OSBP2: variants seen among roughly 807,000 people sequenced by gnomAD.
The protein encoded by OSBP2 is oxysterol-binding protein 2.
In OSBP2, 66 loss-of-function variants were observed where a neutral mutation model predicts 96.0. The ratio of observed to expected loss-of-function variants is 0.69; its 90% CI spans 0.56 to 0.84. The LOEUF (loss-of-function observed/expected upper bound fraction) is 0.84, where lower values mean the gene tolerates loss of function less well. Among genes scored for constraint, OSBP2 ranks in the 40% least tolerant of loss-of-function variants. OSBP2 has a pLI of 0.00. For missense variants in OSBP2, 1,038 were observed against 1,222.7 expected (o/e 0.85, Z 2.25); for synonymous variants, 525 against 520.9 (o/e 1.01, Z -0.11).
chr22:30,899,437 G>C (rs979345244), intron 12 of OSBP2, among the ~76,000 whole-genome samples: 5 of 149,834 alleles, frequency 3.3e-5, no homozygotes, highest in Non-Finnish European at 5.9e-5. Flanking sequence ...ACTGACTCTA[G>C]AAGAAATTGA....
chr22:30,898,187 A>AT (rs532284737), intron 12 of OSBP2, among the ~76,000 whole-genome samples: 5 of 150,396 alleles, frequency 3.3e-5, no homozygotes, highest in African/African-American at 9.8e-5. Flanking sequence ...CCAAAAAAAA[A>AT]TTTTTTTTTT....
rs144236811 is a variant in OSBP2 at position 30,774,789 on chromosome 22, T to G, written c.853+33420T>G. Among the ~76,000 whole-genome samples, 1,361 of 152,318 alleles carry G rather than the reference T, an allele frequency of 8.9e-3. 21 individuals are homozygous for G. The highest frequency in any genetic ancestry group is 0.029 in the African/African-American group (1,207 of 41,568). ...ATGAGTATACATCTGTGGCACCACTTTTTCTAAAAAGATGAATTTTATTAT... is the reference window on the plus strand; with the variant it reads ...ATGAGTATACATCTGTGGCACCACTGTTTCTAAAAAGATGAATTTTATTAT... On this transcript the variant is annotated intron_variant, in intron 2 of 13. Transcript: ENST00000332585.
At chr22:30,892,581 G>A (rs2147164176) in intron 8 of OSBP2, among the ~76,000 whole-genome samples, 1 of 152,246 alleles carries the variant, frequency 6.6e-6, no homozygotes, top group South Asian at 2.1e-4. Context: ...GACAAGGGAG[G>A]CTTGGTGGAA....
intron 2 of OSBP2, among the ~76,000 whole-genome samples, chr22:30,861,572 C>A (rs903364564): frequency 3.3e-5 from 5 of 152,316 alleles, no homozygotes; most frequent in African/African-American, 1.2e-4. Context: ...ATCTGATTTT[C>A]CATCAGATTA....
intron 2 of OSBP2, among the ~76,000 whole-genome samples, chr22:30,799,269 C>T (rs952610370): frequency 6.6e-6 from 1 of 152,004 alleles, no homozygotes; most frequent in Non-Finnish European, 1.5e-5. Flanking sequence ...ACCACCACAC[C>T]CAGCTAATTT....
chr22:30,792,373 A>G (rs1232608455), intron 2 of OSBP2, among the ~76,000 whole-genome samples: 1 of 152,186 alleles, frequency 6.6e-6, no homozygotes, highest in Non-Finnish European at 1.5e-5. Flanking sequence ...ATAGTTTATG[A>G]ATACAAGTAT....
intron 1 of OSBP2, among the ~76,000 whole-genome samples, chr22:30,704,273 T>C (rs2089210752): frequency 6.6e-6 from 1 of 152,180 alleles, no homozygotes; most frequent in Non-Finnish European, 1.5e-5. Flanking sequence ...GAAAGCACGA[T>C]GGCAAAGAAA....
Position 30,695,531 on chromosome 22 carries a change from A to C in OSBP2, c.622A>C (p.Asn208His). The stretch of plus-strand genomic sequence containing the variant: ...CCAGCGCCGCTGGTTCGTGCTGGGC[A>C]ATGGTTTGCTCTCTTACTACAGGTA... ...GYQRRWFVLG[N>H]GLLSYYRNQG... The change falls in exon 1 of 14, where the codon AAT (asparagine) becomes CAT (histidine). Residue 208 changes from asparagine to histidine, a missense_variant. By Grantham distance (68) the Asn-to-His change is moderately conservative (BLOSUM62 1). Around this residue, in one of 3 missense-constraint regions of OSBP2, gnomAD observed 281 missense variants for 273.4 expected, o/e 1.03. Transcript: ENST00000332585. The C allele has an allele frequency of 6.2e-7, 1 of 1,610,442 alleles. No homozygotes were observed. The highest frequency in any genetic ancestry group is 1.1e-5 in the South Asian group (1 of 91,082).
At chr22:30,819,427 G>A (rs1286491904) in intron 2 of OSBP2, among the ~76,000 whole-genome samples, 1 of 152,184 alleles carries the variant, frequency 6.6e-6, no homozygotes, top group Non-Finnish European at 1.5e-5. Flanking sequence ...CTTTGTGACA[G>A]GACTCAGGGC....
intron 2 of OSBP2, among the ~76,000 whole-genome samples, chr22:30,810,030 C>A (rs1300563320): frequency 6.6e-6 from 1 of 151,956 alleles, no homozygotes; most frequent in African/African-American, 2.4e-5. Context: ...TGGGAGACAT[C>A]CAAGAGACAG....
rs911207137 is a variant in OSBP2 at position 30,906,694 on chromosome 22, G to C, written c.*355G>C. On this transcript the variant is annotated 3_prime_UTR_variant, in exon 14 of 14. Coordinates refer to ENST00000332585, the MANE Select transcript of OSBP2 (RefSeq NM_030758.4). ...CCAGGGAGGAACTGGCCCCTCCTAGGGAGCCTCTTCGACTTTTTTAGAAAA... is the reference window on the plus strand; with the variant it reads ...CCAGGGAGGAACTGGCCCCTCCTAGCGAGCCTCTTCGACTTTTTTAGAAAA... The C allele has an allele frequency of 4.6e-6, 1 of 219,424 alleles. No homozygotes were observed. Among genetic ancestry groups the C allele is most frequent in the Non-Finnish European group, 8.9e-6 (1 of 112,280 alleles). 13.6% of individuals were successfully genotyped at this position (219,424 alleles called of 1,614,324 possible). A position where few individuals can be genotyped will look rare whatever the true frequency, so the allele number is the denominator to read the frequency against.
intron 2 of OSBP2, among the ~76,000 whole-genome samples, chr22:30,806,364 G>T (rs2090928201): frequency 6.6e-6 from 1 of 152,212 alleles, no homozygotes; most frequent in Non-Finnish European, 1.5e-5. Flanking sequence ...AGAATAAGCA[G>T]GGTTTAGGGC....
chr22:30,728,240 C>CA lies in OSBP2; in HGVS notation c.645-12915dup, dbSNP rs1276560982. Among the ~76,000 whole-genome samples, 26 of 151,800 alleles carry CA rather than the reference C, an allele frequency of 1.7e-4. 4 individuals carry two copies. The highest frequency in any genetic ancestry group is 1.5e-3 in the Admixed American group (23 of 15,220). On this transcript the variant is annotated intron_variant, in intron 1 of 13. Transcript: ENST00000332585. ...TGAAACCCCATCTCTACTAAAAATA[C>CA]AAAAAATTAGCCAGATGTGGTGGTG...
intron 3 of OSBP2, among the ~76,000 whole-genome samples, chr22:30,877,390 ACGTG>A (rs1465753100): frequency 6.6e-6 from 1 of 152,132 alleles, no homozygotes; most frequent in East Asian, 1.9e-4. Flanking sequence ...TTGAACCATA[ACGTG>A]CCTGCCCACA....
At chr22:30,863,997 G>A (rs2039279644) in intron 2 of OSBP2, among the ~76,000 whole-genome samples, 1 of 150,724 alleles carries the variant, frequency 6.6e-6, no homozygotes, top group Admixed American at 6.6e-5. Context: ...TTGAAACGGA[G>A]TCTGACTCTG....
At chr22:30,699,531 A>G (rs1287661328) in intron 1 of OSBP2, among the ~76,000 whole-genome samples, 6 of 152,220 alleles carry the variant, frequency 3.9e-5, no homozygotes, top group African/African-American at 1.4e-4. Flanking sequence ...GGTCATGAAA[A>G]AGAGATTCTG....
chr22:30,730,867 A>G (rs1410339793), intron 1 of OSBP2, among the ~76,000 whole-genome samples: 1 of 143,270 alleles, frequency 7.0e-6, no homozygotes, highest in Non-Finnish European at 1.5e-5. Context: ...AACATAGCCC[A>G]AGGCAGGGAT....
chr22:30,825,867 G>A (rs757406836), intron 2 of OSBP2, among the ~76,000 whole-genome samples: 42 of 152,238 alleles, frequency 2.8e-4, no homozygotes, highest in Non-Finnish European at 4.0e-4. Context: ...TGATTTTCCC[G>A]GTGGAGAGAG....
intron 1 of OSBP2, among the ~76,000 whole-genome samples, chr22:30,722,058 G>A (rs1208152667): frequency 1.3e-5 from 2 of 152,144 alleles, no homozygotes; most frequent in African/African-American, 4.8e-5. Context: ...GGATCTGGAT[G>A]TATAGGCCCA....
Sources: gnomAD v4.1 joint callset for allele counts (sites outside exome capture counted in the v4.1 genomes callset) on GRCh38, gnomAD v4.1.1 for gene constraint, gnomAD v4.1.1 regional missense constraint, MANE v1.5 for transcripts, NCBI Gene and HGNC (gene_info 2026-07-23, HGNC 2026-07-21) for gene names.